Variants in RGS8 observed in about 807,000 individuals in gnomAD.
RGS8 encodes the protein regulator of G protein signaling 8, also known as regulator of G-protein signaling 8.
A neutral mutation model predicts 21.7 loss-of-function variants in RGS8; 8 were observed. That is an observed-to-expected ratio of 0.37 (90% CI 0.22 to 0.66). The LOEUF (loss-of-function observed/expected upper bound fraction) is 0.66, where lower values mean the gene tolerates loss of function less well. RGS8 is among the 30% of genes least tolerant of loss of function. The pLI is 0.59. For synonymous variants in RGS8, 80 were observed against 83.6 expected, an observed-to-expected ratio of 0.96 and a Z score of 0.24; for missense variants, 157 against 217.9, an observed-to-expected ratio of 0.72 and a Z score of 1.76.
At chr1:182,743,865 CAT>C in the RGS8 span, among the ~76,000 whole-genome samples, 1 of 152,226 alleles carries the variant, frequency 6.6e-6, no homozygotes, top group Non-Finnish European at 1.5e-5. Flanking sequence ...TACCCACACA[CAT>C]ATACACACAA....
chr1:182,700,209 T>C, the RGS8 span, among the ~76,000 whole-genome samples: 1 of 152,198 alleles, frequency 6.6e-6, no homozygotes, highest in African/African-American at 2.4e-5. Context: ...TGCACGGTTA[T>C]TGGCTGACAC....
At chr1:182,723,818 C>T in the RGS8 span, among the ~76,000 whole-genome samples, 1 of 152,064 alleles carries the variant, frequency 6.6e-6, no homozygotes, top group African/African-American at 2.4e-5. Flanking sequence ...CTGTATTTTA[C>T]TTAGAATCAG....
At chr1:182,730,637 G>A in the RGS8 span, among the ~76,000 whole-genome samples, 1 of 151,768 alleles carries the variant, frequency 6.6e-6, no homozygotes, top group Non-Finnish European at 1.5e-5. Flanking sequence ...TTGATCCCGG[G>A]AGACGGGGGT....
the RGS8 span, among the ~76,000 whole-genome samples, chr1:182,749,694 T>A: frequency 3.3e-5 from 5 of 152,222 alleles, no homozygotes; most frequent in South Asian, 2.1e-4. Flanking sequence ...GATGGGTGAC[T>A]GAGGACATTA....
chr1:182,666,903 T>C (rs1412915877), exon 4 of RGS8: 1 of 1,614,044 alleles, frequency 6.2e-7, no homozygotes, highest in African/African-American at 1.3e-5. Flanking sequence ...TCTGGAAGAA[T>C]AGCTGTGAAA....
rs987766836 is a variant in RGS8, at chr1:182,684,043, T to C, written n.221+313A>G. On this transcript the variant is annotated intron_variant and non_coding_transcript_variant, in intron 1 of 4. Coordinates refer to the RGS8 transcript ENST00000515211. This position sits in a 1 kb window ranked among gnomAD's most constrained non-coding sequence, Gnocchi z 4.2. ...GCTGAGGGAAGAAACAGGATCACCT[T>C]TGAGGAGAAAGCAGGTGTTAGGGGA... is the stretch of plus-strand genomic sequence containing the variant. 2.6e-5 allele frequency among the ~76,000 whole-genome samples: 4 copies of C among 152,146 alleles called. No individual in the cohort carries two copies. The highest frequency in any genetic ancestry group is 7.2e-5 in the African/African-American group (3 of 41,432).
chr1:182,668,145 C>T (rs1663964795), intron 3 of RGS8, among the ~76,000 whole-genome samples: 1 of 152,184 alleles, frequency 6.6e-6, no homozygotes, highest in African/African-American at 2.4e-5. Context: ...CAGCACAGAC[C>T]ATATGGCCCA....
the RGS8 span, among the ~76,000 whole-genome samples, chr1:182,696,142 CT>C: frequency 6.6e-6 from 1 of 152,162 alleles, no homozygotes; most frequent in Non-Finnish European, 1.5e-5. Flanking sequence ...AGTTCTCATT[CT>C]CCTTACCCTG....
At chr1:182,675,347 A>G (rs1421663360), upstream of RGS8, among the ~76,000 whole-genome samples, 1 of 152,066 alleles carries the variant, frequency 6.6e-6, no homozygotes, top group East Asian at 1.9e-4. Flanking sequence ...ATGCTGCCAT[A>G]TGAGAGGTTA....
the RGS8 span, among the ~76,000 whole-genome samples, chr1:182,721,705 G>T: frequency 6.6e-6 from 1 of 152,022 alleles, no homozygotes; most frequent in African/African-American, 2.4e-5. Flanking sequence ...GAACACTGCT[G>T]TCACCCACTG....
At chr1:182,692,439 A>G in the RGS8 span, among the ~76,000 whole-genome samples, 1 of 152,134 alleles carries the variant, frequency 6.6e-6, no homozygotes, top group Admixed American at 6.5e-5. Flanking sequence ...TCTCTACAAT[A>G]GGAATTACAA....
the RGS8 span, among the ~76,000 whole-genome samples, chr1:182,715,086 A>G: frequency 6.6e-6 from 1 of 152,236 alleles, no homozygotes; most frequent in Non-Finnish European, 1.5e-5. Flanking sequence ...TTGTATGGGA[A>G]CATCAGTGAG....
chr1:182,666,403 C>T (rs755800831), intron 4 of RGS8, among the ~76,000 whole-genome samples: 6 of 152,216 alleles, frequency 3.9e-5, no homozygotes, highest in Non-Finnish European at 5.9e-5. Context: ...AATGTCTGCA[C>T]TTCTGAAATG....
the RGS8 span, among the ~76,000 whole-genome samples, chr1:182,692,470 T>C: frequency 1.3e-5 from 2 of 151,862 alleles, no homozygotes; most frequent in Admixed American, 6.6e-5. Context: ...AAAGAAATCA[T>C]AGATGATACA....
At position 182,671,666 on chromosome 1, in the gene RGS8, C is replaced by T. The variant is rs141271906; in HGVS notation, c.-113G>A. 79 of 1,614,068 alleles carry T rather than the reference C, an allele frequency of 4.9e-5. No individual in the cohort carries two copies. In the East Asian group the frequency reaches 1.7e-3, roughly 35 times the overall value. Reference sequence around the variant, plus strand: ...CAAAGGCAATACTCACTGTCTTTGGCCAGTCCTCATGGCCTGAGGGTCTTT... The same window carrying T: ...CAAAGGCAATACTCACTGTCTTTGGTCAGTCCTCATGGCCTGAGGGTCTTT... On this transcript the variant is annotated 5_prime_UTR_variant, in exon 2 of 7. Coordinates refer to ENST00000483095, the Ensembl canonical transcript of RGS8.
chr1:182,715,359 C>A, the RGS8 span, among the ~76,000 whole-genome samples: 2 of 152,188 alleles, frequency 1.3e-5, no homozygotes, highest in African/African-American at 4.8e-5. Context: ...CTCACTTACC[C>A]CTTTAAATTG....
intron 5 of RGS8, among the ~76,000 whole-genome samples, chr1:182,650,495 G>A (rs151281086): frequency 2.6e-5 from 4 of 152,118 alleles, no homozygotes; most frequent in African/African-American, 4.8e-5. Context: ...AAAGGTTTCC[G>A]GGTGACTCCC....
the RGS8 span, among the ~76,000 whole-genome samples, chr1:182,740,553 T>TG: frequency 5.2e-5 from 7 of 135,664 alleles, no homozygotes; most frequent in Admixed American, 2.8e-4. Flanking sequence ...TGTTTGTTTT[T>TG]TTTTTTTTTT....
chr1:182,721,009 A>ACATATATATGTGTGTG, the RGS8 span, among the ~76,000 whole-genome samples: 1 of 94,104 alleles, frequency 1.1e-5, no homozygotes, highest in East Asian at 3.1e-4. Context: ...GTATATATAC[A>ACATATATATGTGTGTG]TATATACACA....
Sources: allele counts gnomAD v4.1 joint callset (sites outside exome capture counted in the v4.1 genomes callset), GRCh38; gene constraint gnomAD v4.1.1; non-coding constraint Gnocchi (gnomAD v3.1); transcripts MANE v1.5; gene names NCBI Gene and HGNC (gene_info 2026-07-23, HGNC 2026-07-21).